Variants in CADM2 observed in about 807,000 individuals in gnomAD.
CADM2 encodes the protein immunoglobulin superfamily member 4D.
A neutral mutation model predicts 49.8 loss-of-function variants in CADM2; 12 were observed. The ratio of observed to expected loss-of-function variants is 0.24; its 90% CI spans 0.15 to 0.39. The LOEUF is 0.39. Among genes scored for constraint, CADM2 ranks in the 10% least tolerant of loss-of-function variants. The pLI is 1.00. For missense variants in CADM2, 378 were observed against 492.3 expected (o/e 0.77, Z 2.20); for synonymous variants, 214 against 175.4 (o/e 1.22, Z -1.74).
chr3:85,819,893 T>C (rs978141473), intron 3 of CADM2, among the ~76,000 whole-genome samples: 7 of 152,092 alleles, frequency 4.6e-5, no homozygotes, highest in African/African-American at 1.7e-4. Context: ...TGAGTGAACA[T>C]ATGGTTTGTC....
rs9855320 is a variant in CADM2, at chr3:85,042,556, C to G, written c.61+82888C>G. ...AATAAATGACTAAGACTTTTTTGAC[C>G]GGGTTTCATTTCTTTTCCATGTCTA... On this transcript the variant is annotated intron_variant, in intron 1 of 9. Coordinates refer to ENST00000383699, the MANE Select transcript of CADM2 (RefSeq NM_001167675.2). Among the ~76,000 whole-genome samples, 322 of 151,680 alleles carry G rather than the reference C, an allele frequency of 2.1e-3. 2 individuals carry two copies. The highest frequency in any genetic ancestry group is 7.2e-3 in the African/African-American group (297 of 41,350).
chr3:85,675,952 C>T (rs1264739258), intron 1 of CADM2, among the ~76,000 whole-genome samples: 1 of 152,178 alleles, frequency 6.6e-6, no homozygotes, highest in African/African-American at 2.4e-5. Flanking sequence ...TAACTACTAC[C>T]AGGCTTTCAG....
intron 1 of CADM2, among the ~76,000 whole-genome samples, chr3:85,413,002 G>A (rs1286530622): frequency 3.3e-5 from 5 of 151,372 alleles, no homozygotes; most frequent in African/African-American, 9.7e-5. Flanking sequence ...TTAGCCAGGC[G>A]AGGTGGCGGG....
chr3:86,069,327 T>C lies in CADM2; in HGVS notation c.*2544T>C, dbSNP rs1181775104. ...TAGAACTCTTATAAAACCAGTTAGC[T>C]AAAACAACTAGATTATTATACTAGT... is the stretch of plus-strand genomic sequence containing the variant. On this transcript the variant is annotated 3_prime_UTR_variant, in exon 10 of 10. Coordinates refer to ENST00000383699, the MANE Select transcript of CADM2 (RefSeq NM_001167675.2). 2 of 151,954 alleles carry C rather than the reference T, an allele frequency of 1.3e-5. No individual in the cohort carries two copies. The highest frequency in any genetic ancestry group is 4.8e-5 in the African/African-American group (2 of 41,418). 9.4% of individuals were successfully genotyped at this position (151,954 alleles called of 1,614,324 possible). A position where few individuals can be genotyped will look rare whatever the true frequency, so the allele number is the denominator to read the frequency against.
intron 1 of CADM2, among the ~76,000 whole-genome samples, chr3:85,431,522 C>A (rs930937563): frequency 6.6e-6 from 1 of 151,792 alleles, no homozygotes; most frequent in Non-Finnish European, 1.5e-5. Context: ...AGTGTAGCTG[C>A]GTATGTACAT....
chr3:85,150,523 A>T (rs961339062), intron 1 of CADM2, among the ~76,000 whole-genome samples: 1 of 152,200 alleles, frequency 6.6e-6, no homozygotes, highest in Non-Finnish European at 1.5e-5. Context: ...AGTAGTTAGC[A>T]TACAATTGCA....
intron 1 of CADM2, among the ~76,000 whole-genome samples, chr3:85,048,338 G>A (rs1461260216): frequency 6.6e-6 from 1 of 152,128 alleles, no homozygotes; most frequent in Non-Finnish European, 1.5e-5. Flanking sequence ...ACAGCATAAA[G>A]TGACTAAAAC....
intron 1 of CADM2, among the ~76,000 whole-genome samples, chr3:85,088,214 C>G (rs542326950): frequency 6.6e-6 from 1 of 152,196 alleles, no homozygotes; most frequent in Admixed American, 6.5e-5. Context: ...CATATTGGTT[C>G]TTGCCGCTTT....
intron 1 of CADM2, among the ~76,000 whole-genome samples, chr3:85,513,080 T>C (rs1026953633): frequency 1.3e-5 from 2 of 152,086 alleles, no homozygotes; most frequent in African/African-American, 4.8e-5. Context: ...ATATTTGTTC[T>C]GCTTCCAAAA....
chr3:84,962,650 C>A (rs1304173105), intron 1 of CADM2, among the ~76,000 whole-genome samples: 1 of 152,122 alleles, frequency 6.6e-6, no homozygotes, highest in African/African-American at 2.4e-5. Context: ...TCTGCCCTGC[C>A]TGCTAGTAGT....
intron 1 of CADM2, among the ~76,000 whole-genome samples, chr3:85,384,822 A>T (rs1263128571): frequency 6.6e-6 from 1 of 151,738 alleles, no homozygotes; most frequent in Non-Finnish European, 1.5e-5. Flanking sequence ...AAATTACTGG[A>T]ATTTATTGAC....
intron 1 of CADM2, among the ~76,000 whole-genome samples, chr3:85,460,399 T>A (rs1296188285): frequency 1.3e-5 from 2 of 152,186 alleles, no homozygotes; most frequent in African/African-American, 4.8e-5. Flanking sequence ...GATTTTGTAC[T>A]CAGACACACT....
chr3:85,650,971 G>A (rs2065026465), intron 1 of CADM2, among the ~76,000 whole-genome samples: 1 of 147,738 alleles, frequency 6.8e-6, no homozygotes, highest in Non-Finnish European at 1.5e-5. Context: ...GCTTCAAATT[G>A]CGCCTTCATT....
At chr3:85,354,555 T>C (rs1213340047) in intron 1 of CADM2, among the ~76,000 whole-genome samples, 1 of 149,946 alleles carries the variant, frequency 6.7e-6, no homozygotes, top group Non-Finnish European at 1.5e-5. Flanking sequence ...AAAGTGTAAA[T>C]GCATATGTTT....
intron 1 of CADM2, among the ~76,000 whole-genome samples, chr3:84,986,782 A>T (rs1188706102): frequency 6.6e-6 from 1 of 151,520 alleles, no homozygotes; most frequent in Non-Finnish European, 1.5e-5. Context: ...AAAGAAGCAT[A>T]CTCACTTTAA....
At chr3:85,162,328 C>T (rs752776219) in intron 1 of CADM2, among the ~76,000 whole-genome samples, 22 of 151,928 alleles carry the variant, frequency 1.4e-4, no homozygotes, top group Non-Finnish European at 2.2e-4. Context: ...TACTAATTAC[C>T]GGGATTTATG....
chr3:85,923,333 T>A (rs1001039953), intron 6 of CADM2, among the ~76,000 whole-genome samples: 1 of 152,152 alleles, frequency 6.6e-6, no homozygotes, highest in African/African-American at 2.4e-5. Context: ...CTCATCTATT[T>A]TTGAGCTTGA....
intron 1 of CADM2, among the ~76,000 whole-genome samples, chr3:85,659,972 C>A (rs2065349640): frequency 6.6e-6 from 1 of 152,104 alleles, no homozygotes; most frequent in Non-Finnish European, 1.5e-5. Flanking sequence ...CTTGAATGCA[C>A]CCATTTGTCC....
chr3:86,027,736 A>G (rs1734066301), intron 8 of CADM2: 1 of 152,120 alleles, frequency 6.6e-6, no homozygotes, highest in Non-Finnish European at 1.5e-5. Flanking sequence ...AATAATTTTT[A>G]CTATATGGTT....
Sources: gnomAD v4.1 joint callset for allele counts (sites outside exome capture counted in the v4.1 genomes callset) on GRCh38, gnomAD v4.1.1 for gene constraint, MANE v1.5 for transcripts, NCBI Gene and HGNC (gene_info 2026-07-23, HGNC 2026-07-21) for gene names.